Variants in DGKB observed in about 807,000 individuals in gnomAD.
DGKB encodes the protein diacylglycerol kinase beta.
DGKB carries 67 observed loss-of-function variants against 114.3 expected under a neutral mutation model. The observed-to-expected ratio is 0.59, with a 90% CI of 0.48 to 0.72. The LOEUF is 0.72. Ranked by LOEUF, DGKB falls within the 30% of genes least tolerant of loss-of-function variation. The pLI, the probability that DGKB is intolerant of heterozygous loss-of-function variation, is 0.00. For synonymous variants in DGKB, 398 were observed against 323.1 expected, an observed-to-expected ratio of 1.23 and a Z score of -2.49; for missense variants, 907 against 975.2, an observed-to-expected ratio of 0.93 and a Z score of 0.93.
chr7:14,574,396 G>C (rs377555117), intron 19 of DGKB, 24 bp from the exon 20 acceptor site: 9 of 1,592,204 alleles, frequency 5.7e-6, no homozygotes, highest in Non-Finnish European at 6.8e-6. Flanking sequence ...AAAATACCTT[G>C]AGAAAAGAAC....
In DGKB at chr7:14,637,721, G is replaced by A. The variant is rs1212687267; in HGVS notation, c.1135-7453C>T. Among the ~76,000 whole-genome samples, 4 of 151,784 alleles carry A rather than the reference G, an allele frequency of 2.6e-5. No homozygotes were observed. The South Asian group carries it at 8.3e-4, about 32-fold the overall frequency. ...ATCTTGGTGGAGACCAAAAGTGAGA[G>A]AAATAATGGTTCCACTCTGCTAAGC... On this transcript the variant is annotated intron_variant, in intron 13 of 25. Transcript: ENST00000402815.
At chr7:14,802,825 C>G (rs539721610) in intron 2 of DGKB, among the ~76,000 whole-genome samples, 2 of 152,064 alleles carry the variant, frequency 1.3e-5, no homozygotes, top group Non-Finnish European at 2.9e-5. Context: ...AGTGTCTCTT[C>G]GCCTTGCTAA....
intron 2 of DGKB, among the ~76,000 whole-genome samples, chr7:14,821,395 A>T (rs777459642): frequency 1.3e-5 from 2 of 152,188 alleles, no homozygotes; most frequent in Non-Finnish European, 2.9e-5. Flanking sequence ...AATCACATTA[A>T]CTGTGTTGAA....
chr7:14,661,697 A>G (rs1817117606), intron 13 of DGKB, among the ~76,000 whole-genome samples: 1 of 151,644 alleles, frequency 6.6e-6, no homozygotes, highest in African/African-American at 2.4e-5. Flanking sequence ...CAGCCATCCC[A>G]TTACCGGGTA....
intron 20 of DGKB, among the ~76,000 whole-genome samples, chr7:14,558,053 C>T (rs139506085): frequency 5.4e-4 from 82 of 150,928 alleles, no homozygotes; most frequent in African/African-American, 1.3e-3. Flanking sequence ...TTGGTCTTAT[C>T]GGGAAACACA....
intron 1 of DGKB, among the ~76,000 whole-genome samples, chr7:14,850,020 T>A (rs555895303): frequency 6.6e-6 from 1 of 152,106 alleles, no homozygotes; most frequent in Admixed American, 6.5e-5. Flanking sequence ...ACCCATCCCC[T>A]AAAAACAAGT....
chr7:14,661,888 A>C (rs1817168677), intron 13 of DGKB, among the ~76,000 whole-genome samples: 1 of 152,148 alleles, frequency 6.6e-6, no homozygotes, highest in Non-Finnish European at 1.5e-5. Context: ...AAAAATGATG[A>C]GTTCACGTCC....
At chr7:14,251,124 A>C (rs1795173831) in intron 23 of DGKB, among the ~76,000 whole-genome samples, 1 of 152,056 alleles carries the variant, frequency 6.6e-6, no homozygotes, top group African/African-American at 2.4e-5. Context: ...AATCTACTCA[A>C]ATTTAATGTA....
At chr7:14,371,653 T>G (rs1216068727) in intron 21 of DGKB, among the ~76,000 whole-genome samples, 1 of 152,156 alleles carries the variant, frequency 6.6e-6, no homozygotes, top group African/African-American at 2.4e-5. Context: ...TAGTTTCTTT[T>G]GCTAGGCAGA....
intron 23 of DGKB, chr7:14,269,285 G>C (rs922410656): frequency 6.6e-6 from 1 of 152,150 alleles, no homozygotes; most frequent in African/African-American, 2.4e-5. Context: ...GCTTTATTCT[G>C]TTCATTAGCA....
At chr7:14,833,799 G>A (rs1327007804) in intron 2 of DGKB, among the ~76,000 whole-genome samples, 2 of 151,948 alleles carry the variant, frequency 1.3e-5, no homozygotes, top group African/African-American at 4.8e-5. Context: ...TCTGATAACT[G>A]CTTGGAGTTT....
chr7:14,928,393 A>G (rs184825994), intron 1 of DGKB, among the ~76,000 whole-genome samples: 2 of 151,982 alleles, frequency 1.3e-5, no homozygotes, highest in African/African-American at 2.4e-5. Flanking sequence ...GAACAAATAT[A>G]TATCTTGTTT....
At chr7:14,197,457 T>A (rs947348362) in intron 23 of DGKB, among the ~76,000 whole-genome samples, 1 of 152,060 alleles carries the variant, frequency 6.6e-6, no homozygotes, top group Admixed American at 6.6e-5. Context: ...TGTTCCCAGT[T>A]TCTGTATTTT....
chr7:14,199,314 G>A (rs1385805846), intron 23 of DGKB, among the ~76,000 whole-genome samples: 1 of 150,784 alleles, frequency 6.6e-6, no homozygotes, highest in Non-Finnish European at 1.5e-5. Context: ...TTAAAGTGGT[G>A]GGGGGAATAC....
intron 23 of DGKB, among the ~76,000 whole-genome samples, chr7:14,327,922 G>A (rs1212940667): frequency 6.6e-6 from 1 of 152,042 alleles, no homozygotes; most frequent in East Asian, 1.9e-4. Context: ...AAGAGACCAT[G>A]GTTAGCTTAT....
intron 13 of DGKB, among the ~76,000 whole-genome samples, chr7:14,664,501 G>A (rs1817684954): frequency 6.6e-6 from 1 of 151,984 alleles, no homozygotes; most frequent in Non-Finnish European, 1.5e-5. Context: ...AGGCCAGGAA[G>A]CCATTATCTT....
At chr7:14,405,483 A>G (rs990842025) in intron 21 of DGKB, among the ~76,000 whole-genome samples, 15 of 152,056 alleles carry the variant, frequency 9.9e-5, no homozygotes, top group African/African-American at 3.4e-4. Context: ...ATTAAATGAG[A>G]TAGGCTTCTT....
intron 6 of DGKB, among the ~76,000 whole-genome samples, chr7:14,710,329 C>G (rs985499272): frequency 6.6e-6 from 1 of 151,986 alleles, no homozygotes; most frequent in East Asian, 1.9e-4. Context: ...TGATGTCATA[C>G]AGAAATACAA....
intron 20 of DGKB, among the ~76,000 whole-genome samples, chr7:14,499,931 T>C (rs972639769): frequency 1.3e-5 from 2 of 151,836 alleles, no homozygotes; most frequent in South Asian, 2.1e-4. Flanking sequence ...TTTTAGGCAT[T>C]GGCTTTGAGA....
Sources: gnomAD v4.1 joint callset for allele counts (sites outside exome capture counted in the v4.1 genomes callset) on GRCh38, gnomAD v4.1.1 for gene constraint, MANE v1.5 for transcripts, NCBI Gene and HGNC (gene_info 2026-07-23, HGNC 2026-07-21) for gene names.